TMEM248: variants seen among roughly 807,000 people sequenced by gnomAD.
The protein encoded by TMEM248 is transmembrane protein 248, also known as UPF0458 protein C7orf42.
In TMEM248, 9 loss-of-function variants were observed where a neutral mutation model predicts 30.3. That is an observed-to-expected ratio of 0.30 (90% confidence interval 0.18 to 0.52). The LOEUF is 0.52. Among genes scored for constraint, TMEM248 ranks in the 20% least tolerant of loss-of-function variants. The pLI is 0.97. For missense variants in TMEM248, 338 were observed against 403.3 expected, an observed-to-expected ratio of 0.84 and a Z score of 1.39; for synonymous variants, 184 against 154.4, an observed-to-expected ratio of 1.19 and a Z score of -1.42.
In TMEM248 at chr7:66,951,135, TGTAA is replaced by T. The variant is rs1449071891; in HGVS notation, c.780+3_780+6del. On this transcript the variant is annotated splice_donor_variant and splice_donor_region_variant and intron_variant, in intron 5 of 6. Transcript: ENST00000341567. LOFTEE classifies it high-confidence loss of function. ...CCAAGCTTACAGTGATTGTTCCAGA[TGTAA>T]GTGAGAAAAATTGTGTGTGTGTGTG... 4 of 1,573,138 alleles carry T rather than the reference TGTAA, an allele frequency of 2.5e-6. No individual in the cohort carries two copies. The highest frequency in any genetic ancestry group is 3.4e-6 in the Non-Finnish European group (4 of 1,159,970).
chr7:66,922,544 T>C (rs896083558), intron 1 of TMEM248, among the ~76,000 whole-genome samples: 3 of 152,018 alleles, frequency 2.0e-5, no homozygotes, highest in Non-Finnish European at 4.4e-5. Flanking sequence ...GAGTTTCAAC[T>C]TGTAGTGAAG....
Position 66,955,638 on chromosome 7 carries a change from C to T in TMEM248, c.*116C>T. On this transcript the variant is annotated 3_prime_UTR_variant, in exon 7 of 7. Coordinates refer to ENST00000341567, the MANE Select transcript of TMEM248 (RefSeq NM_017994.5). ...ATTATCTTGCGATGTTGGGTTATTC[C>T]AGCCAAAGACATTTCAAGTGCCTGT... The T allele has an allele frequency of 8.0e-7, 1 of 1,253,020 alleles. No individual in the cohort carries two copies. Among genetic ancestry groups the T allele is most frequent in the Non-Finnish European group, 1.1e-6 (1 of 882,054 alleles). The allele number at this position is 1,253,020 out of a possible 1,614,324, so 77.6% of individuals were successfully genotyped here.
intron 1 of TMEM248, among the ~76,000 whole-genome samples, chr7:66,929,973 A>G (rs1457428192): frequency 1.3e-5 from 2 of 151,964 alleles, no homozygotes; most frequent in Non-Finnish European, 2.9e-5. Context: ...CAGCCTGGGC[A>G]ACATGGCAAA....
rs753294034 is a variant in TMEM248, at chr7:66,948,717, G to A, written c.596+23G>A. On this transcript the variant is annotated intron_variant, in intron 4 of 6. Coordinates refer to ENST00000341567, the MANE Select transcript of TMEM248 (RefSeq NM_017994.5). ...TGTGTAAGTGTACCCGGCACCTGAT[G>A]AACGTGCGTAACAAGCTCCACTTGC... The A allele has an allele frequency of 1.9e-6, 3 of 1,588,204 alleles. No individual in the cohort carries two copies. In the Admixed American group the frequency reaches 5.1e-5, roughly 27 times the overall value.
Position 66,955,676 on chromosome 7 carries a change from C to A in TMEM248, c.*154C>A. The A allele has an allele frequency of 1.1e-6, 1 of 921,072 alleles. No individual in the cohort carries two copies. Among genetic ancestry groups the A allele is most frequent in the Non-Finnish European group, 1.6e-6 (1 of 609,036 alleles). 57.1% of individuals were successfully genotyped at this position (921,072 alleles called of 1,614,324 possible). A position where few individuals can be genotyped will look rare whatever the true frequency, so the allele number is the denominator to read the frequency against. On this transcript the variant is annotated 3_prime_UTR_variant, in exon 7 of 7. Transcript: ENST00000341567. ...TTCAAGTGCCTGTAACTGATTTGTACATATTTATAAAAATCTATTCAGAAA... is the reference window on the plus strand; with the variant it reads ...TTCAAGTGCCTGTAACTGATTTGTAAATATTTATAAAAATCTATTCAGAAA...
At position 66,943,889 on chromosome 7, in the gene TMEM248, C is replaced by G. The variant is rs528229628; in HGVS notation, c.160-1087C>G. Among the ~76,000 whole-genome samples, 343 of 151,976 alleles carry G rather than the reference C, an allele frequency of 2.3e-3. 2 individuals are homozygous for G. Among genetic ancestry groups the G allele is most frequent in the Middle Eastern group, 6.8e-3 (2 of 292 alleles). Reference sequence around the variant, plus strand: ...CTTGGCTCACTTCAGCCTCTGCCCCCCTTCAAACGATTTTCGTGCCTCAGC... The same window carrying G: ...CTTGGCTCACTTCAGCCTCTGCCCCGCTTCAAACGATTTTCGTGCCTCAGC... On this transcript the variant is annotated intron_variant, in intron 2 of 6. Coordinates refer to ENST00000341567, the MANE Select transcript of TMEM248 (RefSeq NM_017994.5).
chr7:66,922,704 T>TACGTGCAA (rs3038112), intron 1 of TMEM248, among the ~76,000 whole-genome samples: 9 of 151,396 alleles, frequency 5.9e-5, no homozygotes, highest in African/African-American at 2.2e-4. Context: ...AAAGGTAGAT[T>TACGTGCAA]ATATATATAT....
intron 2 of TMEM248, 137 bp from the exon 3 acceptor site, chr7:66,944,839 T>G: frequency 1.1e-6 from 1 of 896,760 alleles, no homozygotes; most frequent in Non-Finnish European, 1.7e-6. Flanking sequence ...GGCCGAGTTG[T>G]CATGATCTTA....
intron 1 of TMEM248, among the ~76,000 whole-genome samples, chr7:66,935,268 C>T (rs2129222458): frequency 6.6e-6 from 1 of 150,938 alleles, no homozygotes; most frequent in South Asian, 2.1e-4. Context: ...CTGCAACCTC[C>T]ACCTCCTGGG....
intron 3 of TMEM248, 47 bp downstream of exon 3, chr7:66,945,308 T>G (rs1373732872): frequency 1.3e-6 from 2 of 1,584,308 alleles, no homozygotes; most frequent in Non-Finnish European, 1.7e-6. Flanking sequence ...CAACCACTGT[T>G]ACAAAAAGAG....
chr7:66,921,620 C>T (rs1791387200), intron 1 of TMEM248, among the ~76,000 whole-genome samples, 159 bp downstream of exon 1: 1 of 152,102 alleles, frequency 6.6e-6, no homozygotes, highest in African/African-American at 2.4e-5. Context: ...GGGGGTCGCC[C>T]AGCATCGGCC....
At chr7:66,935,133 T>C (rs12534188) in intron 1 of TMEM248, among the ~76,000 whole-genome samples, 24,300 of 152,218 alleles carry the variant, frequency 0.16, 2,329 homozygotes, top group East Asian at 0.29. Context: ...GACATTTTTA[T>C]TTATGAATCA....
intron 1 of TMEM248, among the ~76,000 whole-genome samples, chr7:66,933,835 T>A (rs1486695757): frequency 2.0e-5 from 3 of 152,224 alleles, no homozygotes; most frequent in Non-Finnish European, 4.4e-5. Flanking sequence ...TCCCTGAACT[T>A]TTCAGAGAGG....
intron 1 of TMEM248, among the ~76,000 whole-genome samples, chr7:66,925,260 A>G (rs1388970750): frequency 6.6e-6 from 1 of 152,028 alleles, no homozygotes; most frequent in African/African-American, 2.4e-5. Flanking sequence ...GGCACAAGTG[A>G]TCCTCCCATC....
intron 1 of TMEM248, among the ~76,000 whole-genome samples, chr7:66,937,694 A>C (rs1485240555): frequency 6.6e-6 from 1 of 151,958 alleles, no homozygotes; most frequent in Non-Finnish European, 1.5e-5. Flanking sequence ...ATTTGCATGG[A>C]ATATCTTTTT....
At chr7:66,951,876 G>A (rs986188493) in intron 5 of TMEM248, among the ~76,000 whole-genome samples, 1 of 151,908 alleles carries the variant, frequency 6.6e-6, no homozygotes, top group African/African-American at 2.4e-5. Flanking sequence ...TGCCCAGGCT[G>A]GTCTTGAACC....
chr7:66,947,505 C>T (rs888128839), intron 3 of TMEM248, among the ~76,000 whole-genome samples: 6 of 151,912 alleles, frequency 3.9e-5, no homozygotes, highest in South Asian at 2.1e-4. Context: ...CGGGTTCAAG[C>T]GACTGTTCTG....
chr7:66,946,406 C>T (rs1792107964), intron 3 of TMEM248, among the ~76,000 whole-genome samples: 1 of 151,848 alleles, frequency 6.6e-6, no homozygotes, highest in African/African-American at 2.4e-5. Flanking sequence ...GGTGAAACCC[C>T]ATCTCTACTA....
chr7:66,945,505 G>A (rs1257004414), intron 3 of TMEM248, among the ~76,000 whole-genome samples: 1 of 152,198 alleles, frequency 6.6e-6, no homozygotes, highest in Non-Finnish European at 1.5e-5. Context: ...GTTAAGGCCT[G>A]TCTAATATTT....
Sources: allele counts gnomAD v4.1 joint callset (sites outside exome capture counted in the v4.1 genomes callset), GRCh38; gene constraint gnomAD v4.1.1; transcripts MANE v1.5; gene names NCBI Gene and HGNC (gene_info 2026-07-23, HGNC 2026-07-21).